The following GRM7 variants were observed in gnomAD, a reference collection of about 807,000 sequenced individuals.
GRM7 encodes metabotropic glutamate receptor 7.
GRM7 carries 35 observed loss-of-function variants against 84.5 expected under a neutral mutation model. That is an observed-to-expected ratio of 0.41 (90% CI 0.32 to 0.55). GRM7 has a LOEUF of 0.55. Among genes scored for constraint, GRM7 ranks in the 20% least tolerant of loss-of-function variants. The probability of loss-of-function intolerance (pLI) is 0.19; values close to 1 mark genes in which losing one functional copy is unlikely to be tolerated. For synonymous variants in GRM7, 487 were observed against 455.1 expected, an observed-to-expected ratio of 1.07 and a Z score of -0.89; for missense variants, 1,003 against 1,194.6, an observed-to-expected ratio of 0.84 and a Z score of 2.36.
At chr3:6,932,421 A>G (rs1345298212) in intron 1 of GRM7, among the ~76,000 whole-genome samples, 1 of 152,108 alleles carries the variant, frequency 6.6e-6, no homozygotes, top group Non-Finnish European at 1.5e-5. Context: ...CTGAAATTTT[A>G]AGCAAAAAAT....
intron 4 of GRM7, among the ~76,000 whole-genome samples, chr3:7,329,411 G>C (rs577171526): frequency 6.6e-6 from 1 of 152,170 alleles, no homozygotes; most frequent in Non-Finnish European, 1.5e-5. Context: ...GAGCAAGACT[G>C]CATTGCCGGT....
At chr3:6,962,860 A>G (rs1446933147) in intron 1 of GRM7, among the ~76,000 whole-genome samples, 1 of 152,242 alleles carries the variant, frequency 6.6e-6, no homozygotes, top group Admixed American at 6.5e-5. Flanking sequence ...TTTTTCTTAA[A>G]AAAGAAAAGG....
chr3:6,995,891 AT>A (rs1311129737), intron 1 of GRM7, among the ~76,000 whole-genome samples: 1 of 152,160 alleles, frequency 6.6e-6, no homozygotes, highest in Non-Finnish European at 1.5e-5. Context: ...TCAAATTTTA[AT>A]TATAGAGGTT....
At chr3:7,215,594 G>T (rs1177765715) in intron 2 of GRM7, among the ~76,000 whole-genome samples, 1 of 152,010 alleles carries the variant, frequency 6.6e-6, no homozygotes, top group East Asian at 1.9e-4. Context: ...GAACCCGGGG[G>T]GCGGAGCTTG....
intron 4 of GRM7, among the ~76,000 whole-genome samples, chr3:7,382,992 C>T (rs951692113): frequency 7.9e-5 from 12 of 152,106 alleles, no homozygotes; most frequent in African/African-American, 2.4e-4. Context: ...TTTTTTCAAC[C>T]GTACCAAGTG....
At chr3:7,346,719 A>G (rs1355001495) in intron 4 of GRM7, among the ~76,000 whole-genome samples, 5 of 152,172 alleles carry the variant, frequency 3.3e-5, no homozygotes, top group African/African-American at 1.2e-4. Flanking sequence ...ACTACCAGTG[A>G]ACTCAGGTCA....
intron 1 of GRM7, among the ~76,000 whole-genome samples, chr3:7,074,539 A>G (rs1410984363): frequency 6.6e-6 from 1 of 151,410 alleles, no homozygotes; most frequent in African/African-American, 2.4e-5. Flanking sequence ...AATTAGCCCT[A>G]CAAAATTCTT....
chr3:7,292,466 G>A (rs1699665379), intron 2 of GRM7, among the ~76,000 whole-genome samples: 1 of 152,114 alleles, frequency 6.6e-6, no homozygotes, highest in South Asian at 2.1e-4. Flanking sequence ...GTGATTTGGG[G>A]TGAGTTATTT....
chr3:6,985,388 C>G (rs1229610173), intron 1 of GRM7, among the ~76,000 whole-genome samples: 2 of 152,058 alleles, frequency 1.3e-5, no homozygotes, highest in East Asian at 3.9e-4. Flanking sequence ...GGTAATCATT[C>G]TACTCTCTGT....
At chr3:6,904,999 A>G (rs1696518103) in intron 1 of GRM7, among the ~76,000 whole-genome samples, 1 of 152,134 alleles carries the variant, frequency 6.6e-6, no homozygotes. Context: ...GATTAGAGGC[A>G]CAAGCTATCA....
chr3:7,569,805 C>A (rs1236490652), intron 7 of GRM7, among the ~76,000 whole-genome samples: 11 of 152,050 alleles, frequency 7.2e-5, no homozygotes, highest in Admixed American at 7.2e-4. Context: ...ACTCCTGAGC[C>A]CGTGAGACCA....
intron 1 of GRM7, among the ~76,000 whole-genome samples, chr3:6,997,374 C>T (rs1473503716): frequency 6.6e-6 from 1 of 152,172 alleles, no homozygotes; most frequent in Non-Finnish European, 1.5e-5. Flanking sequence ...ATTTGACTCA[C>T]AGTTCTGCAG....
chr3:7,414,929 T>C (rs1696098149), intron 4 of GRM7, 94 bp from the exon 5 acceptor site: 1 of 1,020,448 alleles, frequency 9.8e-7, no homozygotes, highest in Non-Finnish European at 1.4e-6. Context: ...TCCAATTCAC[T>C]GAAACAAAGA....
chr3:6,976,193 A>G (rs1317144512), intron 1 of GRM7, among the ~76,000 whole-genome samples: 1 of 152,188 alleles, frequency 6.6e-6, no homozygotes, highest in East Asian at 1.9e-4. Context: ...TTTAAGAACA[A>G]TACCAATTTT....
At chr3:7,344,204 A>G (rs189060869) in intron 4 of GRM7, among the ~76,000 whole-genome samples, 147 of 151,986 alleles carry the variant, frequency 9.7e-4, no homozygotes, top group African/African-American at 3.3e-3. Context: ...TACTAAGCCT[A>G]GTATCTATTA....
chr3:6,947,264 G>C (rs889879154), intron 1 of GRM7, among the ~76,000 whole-genome samples: 44 of 152,062 alleles, frequency 2.9e-4, no homozygotes, highest in African/African-American at 3.4e-4. Flanking sequence ...TAGCATGAAG[G>C]GTTGTTGAAT....
intron 4 of GRM7, among the ~76,000 whole-genome samples, chr3:7,402,730 A>G (rs1244311969): frequency 6.6e-6 from 1 of 151,580 alleles, no homozygotes; most frequent in Non-Finnish European, 1.5e-5. Context: ...TTTGATTTAT[A>G]TTTTCATAGG....
At chr3:7,357,277 T>C (rs1424887981) in intron 4 of GRM7, among the ~76,000 whole-genome samples, 1 of 151,962 alleles carries the variant, frequency 6.6e-6, no homozygotes, top group African/African-American at 2.4e-5. Flanking sequence ...TTAAAGGATA[T>C]ACAAGGAAAA....
intron 4 of GRM7, among the ~76,000 whole-genome samples, chr3:7,369,745 A>G (rs896511091): frequency 6.6e-6 from 1 of 152,148 alleles, no homozygotes; most frequent in African/African-American, 2.4e-5. Flanking sequence ...TCATCATTCT[A>G]TTACTAATAC....
Sources: gnomAD v4.1 joint callset for allele counts (sites outside exome capture counted in the v4.1 genomes callset) on GRCh38, gnomAD v4.1.1 for gene constraint, MANE v1.5 for transcripts, NCBI Gene and HGNC (gene_info 2026-07-23, HGNC 2026-07-21) for gene names.